Variants in GRM4 observed in about 807,000 individuals in gnomAD.
The protein encoded by GRM4 is glutamate metabotropic receptor 4.
In GRM4, 28 loss-of-function variants were observed where a neutral mutation model predicts 81.7. The observed-to-expected ratio is 0.34, with a 90% CI of 0.25 to 0.47. GRM4 has a LOEUF of 0.47. GRM4 is among the 20% of genes least tolerant of loss of function. The pLI is 1.00. For synonymous variants in GRM4, 488 were observed against 528.8 expected (o/e 0.92, Z 1.06); for missense variants, 948 against 1,290.0 (o/e 0.73, Z 4.06).
rs1049787314 is a variant in GRM4 at position 34,109,467 on chromosome 6, C to G, written c.520-17368G>C. 3.9e-5 allele frequency among the ~76,000 whole-genome samples: 6 copies of G among 152,208 alleles called. No individual in the cohort carries two copies. In the South Asian group the frequency reaches 8.3e-4, roughly 21 times the overall value. On this transcript the variant is annotated intron_variant, in intron 2 of 10. Transcript: ENST00000538487. Reference sequence around the variant, plus strand: ...GGAGCAGAGCCTGCAGAGGGGCCACCCACCCCAGTCAGCAGGCACGGCCAG... The same window carrying G: ...GGAGCAGAGCCTGCAGAGGGGCCACGCACCCCAGTCAGCAGGCACGGCCAG...
intron 3 of GRM4, among the ~76,000 whole-genome samples, chr6:34,084,460 CCAAG>C (rs1767774956): frequency 6.6e-6 from 1 of 152,140 alleles, no homozygotes; most frequent in African/African-American, 2.4e-5. Flanking sequence ...GCCTGCTCCA[CCAAG>C]GAGCACAGCT....
intron 1 of GRM4, among the ~76,000 whole-genome samples, chr6:34,143,351 AG>A (rs1332157555): frequency 6.7e-6 from 1 of 149,600 alleles, no homozygotes; most frequent in African/African-American, 2.4e-5. Flanking sequence ...GAAGCCCTCC[AG>A]GAAGTGAGAG....
chr6:34,074,202 CAG>C lies in GRM4; in HGVS notation c.737-12176_737-12175del, dbSNP rs1767185847. Among the ~76,000 whole-genome samples the C allele has an allele frequency of 6.6e-6, 1 of 152,162 alleles. No individual in the cohort carries two copies. Among genetic ancestry groups the C allele is most frequent in the African/African-American group, 2.4e-5 (1 of 41,438 alleles). On this transcript the variant is annotated intron_variant, in intron 3 of 10. Coordinates refer to ENST00000538487, the MANE Select transcript of GRM4 (RefSeq NM_000841.4). The surrounding 1 kb of genome is among the most constrained non-coding windows in gnomAD (Gnocchi z 4.9). The stretch of plus-strand genomic sequence containing the variant: ...TGAGGAAGCGGAGTCTGGGCACAGA[CAG>C]GGGCATGTCCCATCTCAACCACCTA...
At position 34,111,472 on chromosome 6, in the gene GRM4, C is replaced by A. The variant is rs1421068707; in HGVS notation, c.520-19373G>T. Reference sequence around the variant, plus strand: ...AGCATTAACAGTGTATTTTGGGGAGCACAAGAGAGTGTTCATAACCCACCC... The same window carrying A: ...AGCATTAACAGTGTATTTTGGGGAGAACAAGAGAGTGTTCATAACCCACCC... On this transcript the variant is annotated intron_variant, in intron 2 of 10. Coordinates refer to ENST00000538487, the MANE Select transcript of GRM4 (RefSeq NM_000841.4). This position sits in a 1 kb window ranked among gnomAD's most constrained non-coding sequence, Gnocchi z 5.1. Among the ~76,000 whole-genome samples the A allele has an allele frequency of 6.6e-6, 1 of 152,186 alleles. No homozygotes were observed. The highest frequency in any genetic ancestry group is 1.5e-5 in the Non-Finnish European group (1 of 68,034).
At chr6:34,120,445 T>G (rs1253323545) in intron 2 of GRM4, among the ~76,000 whole-genome samples, 2 of 152,184 alleles carry the variant, frequency 1.3e-5, no homozygotes, top group Non-Finnish European at 2.9e-5. Context: ...CTTTCCTAAT[T>G]GATTTTGTGT....
intron 3 of GRM4, among the ~76,000 whole-genome samples, chr6:34,076,359 C>A (rs1283352776): frequency 1.3e-5 from 2 of 152,118 alleles, no homozygotes; most frequent in Non-Finnish European, 2.9e-5. Flanking sequence ...CCTCTTCAGG[C>A]CAGGCTAGGA....
intron 3 of GRM4, among the ~76,000 whole-genome samples, chr6:34,073,161 A>T (rs921537968): frequency 1.2e-5 from 1 of 85,600 alleles, no homozygotes; most frequent in African/African-American, 4.3e-5. Flanking sequence ...CCACAGACAC[A>T]CACCCACACA....
rs1768090528 is a variant in GRM4, at chr6:34,089,558, G to A, written c.736+2325C>T. Among the ~76,000 whole-genome samples the A allele has an allele frequency of 6.6e-6, 1 of 152,120 alleles. No individual in the cohort carries two copies. Among genetic ancestry groups the A allele is most frequent in the Non-Finnish European group, 1.5e-5 (1 of 68,030 alleles). ...GGACGTGGGAGGCCCAGCCAAGCAG[G>A]AAGCCAGGCCCTCAGATGGTGCATG... On this transcript the variant is annotated intron_variant, in intron 3 of 10. Transcript: ENST00000538487. This position sits in a 1 kb window ranked among gnomAD's most constrained non-coding sequence, Gnocchi z 4.3.
intron 10 of GRM4, among the ~76,000 whole-genome samples, chr6:34,023,113 C>T (rs993550076): frequency 6.6e-6 from 1 of 152,238 alleles, no homozygotes; most frequent in African/African-American, 2.4e-5. Context: ...CGCACCTCCA[C>T]GCCTTTGCCG....
chr6:34,069,935 G>A lies in GRM4; in HGVS notation c.737-7907C>T, dbSNP rs1477330235. Among the ~76,000 whole-genome samples the A allele has an allele frequency of 6.6e-6, 1 of 152,172 alleles. No individual in the cohort carries two copies. The highest frequency in any genetic ancestry group is 2.4e-5 in the African/African-American group (1 of 41,430). The stretch of plus-strand genomic sequence containing the variant: ...GCTGGACTGCATTTATCTCCCTGGG[G>A]TCTTTCTGCCTGGGGCCTTACAGAG... On this transcript the variant is annotated intron_variant, in intron 3 of 10. Transcript: ENST00000538487. This position sits in a 1 kb window ranked among gnomAD's most constrained non-coding sequence, Gnocchi z 6.4.
intron 8 of GRM4, among the ~76,000 whole-genome samples, 200 bp downstream of exon 8, chr6:34,039,978 C>T (rs1020901695): frequency 5.3e-5 from 8 of 152,218 alleles, no homozygotes; most frequent in African/African-American, 1.4e-4. Context: ...AGCAGAACTC[C>T]GACTGCCCTG....
chr6:34,051,625 C>T (rs755136006), intron 6 of GRM4, among the ~76,000 whole-genome samples: 2 of 152,130 alleles, frequency 1.3e-5, no homozygotes, highest in African/African-American at 2.4e-5. Flanking sequence ...GTTCTTTGGG[C>T]TCCCAGGGAG....
At position 34,115,250 on chromosome 6, in the gene GRM4, G is replaced by A. The variant is rs971690003; in HGVS notation, c.519+17728C>T. Among the ~76,000 whole-genome samples, 2 of 129,754 alleles carry A rather than the reference G, an allele frequency of 1.5e-5. No homozygotes were observed. The highest frequency in any genetic ancestry group is 1.5e-5 in the Non-Finnish European group (1 of 65,242). 85.1% of individuals were successfully genotyped at this position (129,754 alleles called of 152,430 possible). On this transcript the variant is annotated intron_variant, in intron 2 of 10. Transcript: ENST00000538487. This position sits in a 1 kb window ranked among gnomAD's most constrained non-coding sequence, Gnocchi z 4.1. ...CATGTGTGCGTGCGTGCGTGTATGC[G>A]TGTGTGTGTGTGTGCATGCGTGTGG...
At chr6:34,084,792 C>G (rs1189542380) in intron 3 of GRM4, among the ~76,000 whole-genome samples, 1 of 152,204 alleles carries the variant, frequency 6.6e-6, no homozygotes, top group East Asian at 1.9e-4. Context: ...CTACTGTTCT[C>G]CCACCTGGCG....
rs761733381 is a variant in GRM4, at chr6:34,035,929, C to T, written c.2181G>A (p.Val727=). The T allele has an allele frequency of 3.7e-6, 6 of 1,610,136 alleles. No individual in the cohort carries two copies. The Admixed American group carries it at 1.0e-4, about 27-fold the overall frequency. The change falls in exon 9 of 11, where the codon GTG becomes GTA. Residue 727 remains valine (V), a synonymous_variant. Coordinates refer to ENST00000538487, the MANE Select transcript of GRM4 (RefSeq NM_000841.4). This position sits in a 1 kb window ranked among gnomAD's most constrained non-coding sequence, Gnocchi z 6.6. ...CGAGTGTCCGCTGGTCCTGGAAGTC[C>T]ACCACCGAGTGGGAGGGGTCCACCA... is the stretch of plus-strand genomic sequence containing the variant. The part of the protein sequence containing the change: ...WFVVDPSHSV[V]DFQDQRTLDP...
chr6:34,143,118 T>C (rs1770763334), intron 1 of GRM4, among the ~76,000 whole-genome samples: 1 of 152,146 alleles, frequency 6.6e-6, no homozygotes, highest in African/African-American at 2.4e-5. Context: ...GTGGGGGGGA[T>C]AACTTTTGAG....
chr6:34,155,109 G>A (rs1369925174), exon 1 of GRM4: 1 of 1,528,108 alleles, frequency 6.5e-7, no homozygotes, highest in Admixed American at 2.0e-5. Flanking sequence ...GGCAGCGGGG[G>A]CGGCGGGGGT....
intron 8 of GRM4, among the ~76,000 whole-genome samples, chr6:34,038,057 G>A (rs1228491675): frequency 3.3e-5 from 5 of 152,144 alleles, no homozygotes; most frequent in South Asian, 2.1e-4. Flanking sequence ...ATGTGGAGGC[G>A]AGACGGTCCC....
At chr6:34,128,028 G>C (rs1256258300) in intron 2 of GRM4, among the ~76,000 whole-genome samples, 2 of 152,206 alleles carry the variant, frequency 1.3e-5, no homozygotes, top group African/African-American at 4.8e-5. Context: ...CGCCAGGCTA[G>C]GGGTGGCACA....
Sources: gnomAD v4.1 joint callset for allele counts (sites outside exome capture counted in the v4.1 genomes callset) on GRCh38, gnomAD v4.1.1 for gene constraint, Gnocchi (gnomAD v3.1) non-coding constraint, MANE v1.5 for transcripts, NCBI Gene and HGNC (gene_info 2026-07-23, HGNC 2026-07-21) for gene names.